Variants in NEK6 observed in about 807,000 individuals in gnomAD.
NEK6 encodes the protein NIMA related kinase 6.
NEK6 carries 27 observed loss-of-function variants against 43.5 expected under a neutral mutation model. That is an observed-to-expected ratio of 0.62 (90% confidence interval 0.46 to 0.86). NEK6 has a LOEUF of 0.86. Ranked by LOEUF, NEK6 falls within the 40% of genes least tolerant of loss-of-function variation. NEK6 has a pLI of 0.00. For missense variants in NEK6, 318 were observed against 414.4 expected (o/e 0.77, Z 2.02); for synonymous variants, 167 against 164.1 (o/e 1.02, Z -0.14).
At chr9:124,345,391 G>T (rs997274898) in intron 8 of NEK6, among the ~76,000 whole-genome samples, 1 of 152,222 alleles carries the variant, frequency 6.6e-6, no homozygotes, top group African/African-American at 2.4e-5. Context: ...GGATGGAGGA[G>T]GCCTGTTCCT....
chr9:124,269,597 G>A (rs1368410114), intron 1 of NEK6, among the ~76,000 whole-genome samples: 3 of 151,998 alleles, frequency 2.0e-5, no homozygotes, highest in South Asian at 4.2e-4. Context: ...GGCTGGTCTC[G>A]AGTGATCCGC....
chr9:124,305,371 T>C (rs1276839337), intron 2 of NEK6, among the ~76,000 whole-genome samples: 1 of 152,052 alleles, frequency 6.6e-6, no homozygotes, highest in Non-Finnish European at 1.5e-5. Context: ...CTGGGCAACA[T>C]GGTGAAACCC....
rs79762327 is a variant in NEK6, at chr9:124,276,032, A to G, written c.-30+17947A>G. Reference sequence around the variant, plus strand: ...TTGAGCAGGGGAGTGGCCCCCCTGAAGCAGAGTGTGGCCCGTGGAGGCTGG... The same window carrying G: ...TTGAGCAGGGGAGTGGCCCCCCTGAGGCAGAGTGTGGCCCGTGGAGGCTGG... On this transcript the variant is annotated intron_variant, in intron 1 of 9. Transcript: ENST00000320246. Among the ~76,000 whole-genome samples the G allele has an allele frequency of 8.3e-4, 127 of 152,158 alleles. 2 individuals carry two copies. The East Asian group carries it at 0.02, about 24-fold the overall frequency.
intron 7 of NEK6, among the ~76,000 whole-genome samples, chr9:124,337,194 G>A (rs769074806): frequency 3.3e-5 from 5 of 152,120 alleles, no homozygotes; most frequent in African/African-American, 9.7e-5. Context: ...ATCTTTGCAC[G>A]GTTCCAGCTC....
chr9:124,322,458 T>C (rs1834115807), intron 5 of NEK6, among the ~76,000 whole-genome samples: 1 of 152,180 alleles, frequency 6.6e-6, no homozygotes, highest in Non-Finnish European at 1.5e-5. Flanking sequence ...AGTACGCTCA[T>C]GCGTCCCTCA....
intron 1 of NEK6, among the ~76,000 whole-genome samples, chr9:124,279,300 CTTTT>C (rs1165676719): frequency 2.2e-5 from 3 of 138,176 alleles, no homozygotes; most frequent in African/African-American, 2.7e-5. Context: ...TTTCTCTTCC[CTTTT>C]TTTTTTTTTT....
intron 1 of NEK6, among the ~76,000 whole-genome samples, chr9:124,294,627 A>T (rs571006985): frequency 6.6e-6 from 1 of 152,088 alleles, no homozygotes; most frequent in African/African-American, 2.4e-5. Context: ...TGGAAGGACC[A>T]GGGTGCTGTG....
chr9:124,283,961 C>T (rs1032912359), intron 1 of NEK6, among the ~76,000 whole-genome samples: 2 of 152,236 alleles, frequency 1.3e-5, no homozygotes, highest in African/African-American at 4.8e-5. Context: ...ACGCTTGGTG[C>T]CCAGCACTTG....
At chr9:124,307,928 T>A (rs1172562010) in intron 2 of NEK6, among the ~76,000 whole-genome samples, 1 of 152,124 alleles carries the variant, frequency 6.6e-6, no homozygotes, top group Non-Finnish European at 1.5e-5. Flanking sequence ...TGTCCACTGC[T>A]CAGGCCGTCC....
At chr9:124,271,033 A>G (rs1273316845) in intron 1 of NEK6, among the ~76,000 whole-genome samples, 2 of 152,152 alleles carry the variant, frequency 1.3e-5, no homozygotes, top group African/African-American at 4.8e-5. Context: ...GCCAGATCTG[A>G]TTTGAAGGGA....
At chr9:124,314,655 T>C (rs1335767563) in intron 4 of NEK6, among the ~76,000 whole-genome samples, 1 of 151,816 alleles carries the variant, frequency 6.6e-6, no homozygotes, top group Admixed American at 6.6e-5. Flanking sequence ...CACACCTGAT[T>C]TTTATTTTTT....
intron 2 of NEK6, among the ~76,000 whole-genome samples, chr9:124,306,702 T>C (rs1833271693): frequency 6.6e-6 from 1 of 152,202 alleles, no homozygotes; most frequent in Non-Finnish European, 1.5e-5. Context: ...GAAGATGGGC[T>C]TTGGGTCTGA....
At chr9:124,348,668 G>A (rs1441184837) in intron 9 of NEK6, among the ~76,000 whole-genome samples, 1 of 152,206 alleles carries the variant, frequency 6.6e-6, no homozygotes, top group East Asian at 1.9e-4. Context: ...ACCATCCAAA[G>A]TGGCCAATGG....
chr9:124,327,266 C>A (rs140919506), intron 6 of NEK6, 72 bp from the exon 7 acceptor site: 18 of 1,260,642 alleles, frequency 1.4e-5, no homozygotes, highest in East Asian at 7.0e-5. Context: ...CCTTCCTCCC[C>A]CTTCCTCTCG....
At chr9:124,333,215 C>T (rs983734150) in intron 7 of NEK6, among the ~76,000 whole-genome samples, 24 of 152,224 alleles carry the variant, frequency 1.6e-4, no homozygotes, top group African/African-American at 5.3e-4. Context: ...GCGAGTTGGG[C>T]ATTGTGCTCT....
At chr9:124,262,649 G>A (rs1026232432) in intron 1 of NEK6, among the ~76,000 whole-genome samples, 5 of 152,256 alleles carry the variant, frequency 3.3e-5, no homozygotes, top group Admixed American at 1.3e-4. Context: ...GTGGCTGGGC[G>A]AGTGGGGGGG....
intron 4 of NEK6, 85 bp from the exon 5 acceptor site, chr9:124,321,374 G>A: frequency 1.2e-6 from 1 of 806,496 alleles, no homozygotes; most frequent in Non-Finnish European, 2.1e-6. Flanking sequence ...GTGACCGGGT[G>A]CCAGCAGGGT....
chr9:124,280,404 A>G (rs1199612234), intron 1 of NEK6, among the ~76,000 whole-genome samples: 4 of 152,238 alleles, frequency 2.6e-5, no homozygotes, highest in Non-Finnish European at 4.4e-5. Context: ...CTTGCCGCTC[A>G]CGCTGAGACT....
chr9:124,299,790 C>T (rs150884610), intron 1 of NEK6, among the ~76,000 whole-genome samples: 47 of 152,182 alleles, frequency 3.1e-4, no homozygotes, highest in African/African-American at 1.1e-3. Context: ...CTGATCTGTC[C>T]ACACTAGGAT....
Sources: allele counts gnomAD v4.1 joint callset (sites outside exome capture counted in the v4.1 genomes callset), GRCh38; gene constraint gnomAD v4.1.1; transcripts MANE v1.5; gene names NCBI Gene and HGNC (gene_info 2026-07-23, HGNC 2026-07-21).